The following GLIS3 variants were observed in gnomAD, a reference collection of about 807,000 sequenced individuals.
The protein encoded by GLIS3 is zinc finger protein GLIS3.
Under a neutral mutation model 78.6 loss-of-function variants are expected in GLIS3, and 53 were observed. The observed-to-expected ratio is 0.67, with a 90% confidence interval of 0.54 to 0.85. The LOEUF (loss-of-function observed/expected upper bound fraction) is 0.85, where lower values mean the gene tolerates loss of function less well. Ranked by LOEUF, GLIS3 falls within the 40% of genes least tolerant of loss-of-function variation. GLIS3 has a pLI of 0.00. For synonymous variants in GLIS3, 684 were observed against 509.9 expected (o/e 1.34, Z -4.60); for missense variants, 1,703 against 1,231.1 (o/e 1.38, Z -5.74).
chr9:4,312,114 A>G (rs1188015083), intron 2 of GLIS3, among the ~76,000 whole-genome samples: 1 of 152,134 alleles, frequency 6.6e-6, no homozygotes, highest in Non-Finnish European at 1.5e-5. Flanking sequence ...ACAAACCTAC[A>G]CATGTACCTC....
chr9:4,146,906 C>T (rs917622232), intron 2 of GLIS3, among the ~76,000 whole-genome samples: 6 of 152,198 alleles, frequency 3.9e-5, no homozygotes, highest in South Asian at 2.1e-4. Context: ...AAGAGTATTA[C>T]GTTCGACTTT....
intron 2 of GLIS3, among the ~76,000 whole-genome samples, chr9:4,164,458 G>T (rs532091876): frequency 6.6e-6 from 1 of 152,212 alleles, no homozygotes; most frequent in Admixed American, 6.5e-5. Flanking sequence ...TGTTAAAGAG[G>T]GTCCATCCAC....
chr9:4,154,039 C>T lies in GLIS3; in HGVS notation c.389-28098G>A, dbSNP rs548653010. Among the ~76,000 whole-genome samples, 5 of 152,316 alleles carry T rather than the reference C, an allele frequency of 3.3e-5. No individual in the cohort carries two copies. The East Asian group carries it at 5.8e-4, about 18-fold the overall frequency. The stretch of plus-strand genomic sequence containing the variant: ...GATGCTGGCTATCAGCTAGGAGCTA[C>T]GCTGAGGCTGTCAATAAGAACACCA... On this transcript the variant is annotated intron_variant, in intron 2 of 10. Coordinates refer to ENST00000381971, the MANE Select transcript of GLIS3 (RefSeq NM_001042413.2).
At chr9:4,086,166 A>G (rs2130725938) in intron 4 of GLIS3, among the ~76,000 whole-genome samples, 1 of 152,214 alleles carries the variant, frequency 6.6e-6, no homozygotes, top group Non-Finnish European at 1.5e-5. Flanking sequence ...TCAGACATGT[A>G]TTTTCAGTAT....
intron 2 of GLIS3, among the ~76,000 whole-genome samples, chr9:4,218,588 T>C (rs1386174303): frequency 6.6e-6 from 1 of 152,236 alleles, no homozygotes; most frequent in African/African-American, 2.4e-5. Context: ...TTGAACTTTT[T>C]ACAATAATGG....
chr9:4,416,743 C>T, the GLIS3 span, among the ~76,000 whole-genome samples: 4 of 151,670 alleles, frequency 2.6e-5, no homozygotes, highest in African/African-American at 7.3e-5. Flanking sequence ...AGACTCGCCT[C>T]CACTAAGTTC....
At chr9:4,068,499 A>G (rs902342897) in intron 4 of GLIS3, among the ~76,000 whole-genome samples, 7 of 152,226 alleles carry the variant, frequency 4.6e-5, no homozygotes, top group Non-Finnish European at 1.5e-5. Flanking sequence ...GTTTTTTAAA[A>G]TGTGTTTGAG....
rs548684047 is a variant in GLIS3 at position 3,991,936 on chromosome 9, C to G, written c.1711-54747G>C. The stretch of plus-strand genomic sequence containing the variant: ...TGATCTCCTGACTTCGTGATCCGCC[C>G]GCCTCGGCCTCCCAAAGTGCTGGGA... On this transcript the variant is annotated intron_variant, in intron 4 of 10. Coordinates refer to ENST00000381971, the MANE Select transcript of GLIS3 (RefSeq NM_001042413.2). Among the ~76,000 whole-genome samples the G allele has an allele frequency of 2.6e-5, 4 of 152,170 alleles. No individual in the cohort carries two copies. In the East Asian group the frequency reaches 7.7e-4, roughly 29 times the overall value.
At chr9:4,197,547 T>G in intron 2 of GLIS3, among the ~76,000 whole-genome samples, 1 of 152,160 alleles carries the variant, frequency 6.6e-6, no homozygotes, top group East Asian at 1.9e-4. Flanking sequence ...ATCTGGGCAT[T>G]TGGTGTCCGC....
At chr9:3,942,923 G>C (rs1197776883) in intron 4 of GLIS3, among the ~76,000 whole-genome samples, 2 of 151,586 alleles carry the variant, frequency 1.3e-5, no homozygotes, top group African/African-American at 4.9e-5. Flanking sequence ...AGAAAGGAAA[G>C]AACTAAACTG....
chr9:4,143,493 G>A (rs1438738412), intron 2 of GLIS3, among the ~76,000 whole-genome samples: 1 of 152,040 alleles, frequency 6.6e-6, no homozygotes, highest in Admixed American at 6.6e-5. Context: ...CTTGAACCCA[G>A]GAGGTGGGGG....
At chr9:3,875,035 A>C (rs1821224853) in intron 8 of GLIS3, among the ~76,000 whole-genome samples, 1 of 152,194 alleles carries the variant, frequency 6.6e-6, no homozygotes. Flanking sequence ...TATTCTTGGA[A>C]TTGTAAAATT....
At chr9:4,283,619 G>C (rs1050189188) in intron 2 of GLIS3, among the ~76,000 whole-genome samples, 1 of 152,142 alleles carries the variant, frequency 6.6e-6, no homozygotes, top group African/African-American at 2.4e-5. Context: ...CCAACTCCTT[G>C]AGGGAAAGGA....
intron 2 of GLIS3, among the ~76,000 whole-genome samples, chr9:4,207,611 C>G (rs1819996127): frequency 6.6e-6 from 1 of 152,120 alleles, no homozygotes; most frequent in Non-Finnish European, 1.5e-5. Context: ...GACATTATTG[C>G]CTTTAATCTC....
At chr9:4,458,424 C>G in the GLIS3 span, among the ~76,000 whole-genome samples, 1 of 152,082 alleles carries the variant, frequency 6.6e-6, no homozygotes, top group African/African-American at 2.4e-5. Context: ...AAAAAATAAC[C>G]AGCATAAAGT....
intron 2 of GLIS3, among the ~76,000 whole-genome samples, chr9:4,161,028 C>G (rs13288897): frequency 0.41 from 59,803 of 147,430 alleles, 12,088 homozygotes; most frequent in Non-Finnish European, 0.44. Flanking sequence ...AGGATTGCTT[C>G]AAACCAGGAG....
intron 2 of GLIS3, among the ~76,000 whole-genome samples, chr9:4,265,239 T>C (rs894899383): frequency 6.6e-6 from 1 of 151,560 alleles, no homozygotes; most frequent in Non-Finnish European, 1.5e-5. Context: ...TGAAAGGTGA[T>C]AGGAAAAGAT....
At position 4,024,542 on chromosome 9, in the gene GLIS3, C is replaced by G. The variant is rs186206941; in HGVS notation, c.1711-87353G>C. On this transcript the variant is annotated intron_variant, in intron 4 of 10. Transcript: ENST00000381971. ...CTAAATGAAGCCCAGGAAACTCAGTCTCTTCATTTCTCCTGTTTTTCACAA... is the reference window on the plus strand; with the variant it reads ...CTAAATGAAGCCCAGGAAACTCAGTGTCTTCATTTCTCCTGTTTTTCACAA... Among the ~76,000 whole-genome samples the G allele has an allele frequency of 1.1e-4, 16 of 152,240 alleles. No individual in the cohort carries two copies. The East Asian group carries it at 2.5e-3, about 24-fold the overall frequency.
chr9:4,428,456 C>CCTG, the GLIS3 span, among the ~76,000 whole-genome samples: 1 of 139,732 alleles, frequency 7.2e-6, no homozygotes, highest in African/African-American at 2.7e-5. Context: ...TGTACTCCAG[C>CCTG]CTGGGTGACA....
Sources: gnomAD v4.1 joint callset for allele counts (sites outside exome capture counted in the v4.1 genomes callset) on GRCh38, gnomAD v4.1.1 for gene constraint, MANE v1.5 for transcripts, NCBI Gene and HGNC (gene_info 2026-07-23, HGNC 2026-07-21) for gene names.